Variants in DLGAP2 observed in about 807,000 individuals in gnomAD.
DLGAP2 encodes disks large-associated protein 2.
DLGAP2 carries 26 observed loss-of-function variants against 100.3 expected under a neutral mutation model. The observed-to-expected ratio is 0.26, with a 90% confidence interval of 0.19 to 0.36. The LOEUF is 0.36. Among genes scored for constraint, DLGAP2 ranks in the 10% least tolerant of loss-of-function variants. The probability of loss-of-function intolerance (pLI) is 1.00; values close to 1 mark genes in which losing one functional copy is unlikely to be tolerated. For synonymous variants in DLGAP2, 886 were observed against 630.1 expected (o/e 1.41, Z -6.08); for missense variants, 1,858 against 1,453.2 (o/e 1.28, Z -4.53).
chr8:1,408,012 C>G (rs910997777), intron 3 of DLGAP2, among the ~76,000 whole-genome samples: 10 of 152,226 alleles, frequency 6.6e-5, no homozygotes, highest in African/African-American at 2.4e-4. Context: ...CATCGCTGGA[C>G]TCAGCACTGG....
intron 2 of DLGAP2, among the ~76,000 whole-genome samples, chr8:1,201,810 G>A (rs73186503): frequency 0.055 from 8,433 of 152,298 alleles, 334 homozygotes; most frequent in East Asian, 0.15. Flanking sequence ...CTCTGTGTAC[G>A]TGTGTGCGGT....
In DLGAP2 at chr8:1,036,493, C is replaced by G. The variant is rs1563156973; in HGVS notation, c.73+128527C>G. ...TCAGTCTGGCGGCCGTGGGGACGGT[C>G]GGGGGAGGTTCTCTGCTTTGTGGAT... On this transcript the variant is annotated intron_variant, in intron 2 of 14. Coordinates refer to ENST00000637795, the MANE Select transcript of DLGAP2 (RefSeq NM_001346810.2). Among the ~76,000 whole-genome samples the G allele has an allele frequency of 2.0e-5, 3 of 152,260 alleles. 1 individual carries two copies. The highest frequency in any genetic ancestry group is 3.4e-3 in the Middle Eastern group (1 of 294).
chr8:1,467,533 C>A (rs1798660669), intron 3 of DLGAP2, among the ~76,000 whole-genome samples: 1 of 152,140 alleles, frequency 6.6e-6, no homozygotes, highest in Non-Finnish European at 1.5e-5. Flanking sequence ...CAGAGCCCAG[C>A]ACAAGCTGGC....
At chr8:897,555 G>A (rs953013650) in intron 1 of DLGAP2, among the ~76,000 whole-genome samples, 8 of 152,160 alleles carry the variant, frequency 5.3e-5, no homozygotes, top group African/African-American at 1.7e-4. Context: ...ATGGGCGCCC[G>A]GTAAGAAGCC....
chr8:905,141 T>C (rs1217949792), intron 1 of DLGAP2, among the ~76,000 whole-genome samples: 1 of 152,138 alleles, frequency 6.6e-6, no homozygotes, highest in Non-Finnish European at 1.5e-5. Flanking sequence ...GGAAGGTTGA[T>C]GATTTGTCTT....
chr8:1,002,404 C>G (rs1158703480), intron 2 of DLGAP2: 1 of 152,242 alleles, frequency 6.6e-6, no homozygotes, highest in East Asian at 1.9e-4. Flanking sequence ...GAACAATTGA[C>G]TATTTAAAAA....
intron 12 of DLGAP2, among the ~76,000 whole-genome samples, chr8:1,683,834 C>CTATATATATATATATATATA (rs35210879): frequency 4.5e-4 from 25 of 56,122 alleles, no homozygotes; most frequent in East Asian, 1.3e-3. Context: ...CTTTGCTCCA[C>CTATATATATATATATATATA]TATATATATA....
chr8:1,555,469 C>T (rs1053752782), intron 5 of DLGAP2, among the ~76,000 whole-genome samples: 2 of 152,216 alleles, frequency 1.3e-5, no homozygotes, highest in African/African-American at 4.8e-5. Flanking sequence ...CTCTGGGCCA[C>T]CGCTTCCCCC....
intron 6 of DLGAP2, among the ~76,000 whole-genome samples, chr8:1,572,383 G>C (rs1802759284): frequency 1.0e-5 from 1 of 98,258 alleles, no homozygotes; most frequent in Non-Finnish European, 2.1e-5. Flanking sequence ...TGGGTTGTCT[G>C]ATGAGATGGA....
chr8:1,515,641 C>T (rs1387231972), intron 4 of DLGAP2, among the ~76,000 whole-genome samples: 1 of 152,142 alleles, frequency 6.6e-6, no homozygotes. Flanking sequence ...CAAGCACACA[C>T]ACATGCAGAC....
intron 3 of DLGAP2, among the ~76,000 whole-genome samples, chr8:1,496,547 A>AAAC (rs1424317933): frequency 6.6e-6 from 1 of 152,096 alleles, no homozygotes; most frequent in Non-Finnish European, 1.5e-5. Flanking sequence ...TGTGACATTG[A>AAAC]GACGACTCAT....
At chr8:1,658,896 T>A (rs1798346472) in intron 8 of DLGAP2, among the ~76,000 whole-genome samples, 7 of 152,208 alleles carry the variant, frequency 4.6e-5, no homozygotes, top group Admixed American at 4.6e-4. Flanking sequence ...TTGATCTTGC[T>A]ACTCTAGTTC....
chr8:1,164,168 CCGTCATTT>C (rs1563224144), intron 2 of DLGAP2, among the ~76,000 whole-genome samples: 2 of 113,878 alleles, frequency 1.8e-5, no homozygotes, highest in African/African-American at 6.9e-5. Context: ...CCCCCAGGGC[CCGTCATTT>C]TGGTTTGTGG....
In DLGAP2 at chr8:1,706,675, A is replaced by G. The variant is rs1015687511; in HGVS notation, c.*5269A>G. On this transcript the variant is annotated 3_prime_UTR_variant, in exon 15 of 15. Coordinates refer to ENST00000637795, the MANE Select transcript of DLGAP2 (RefSeq NM_001346810.2). ...ACGTTTTCACCATTACTTAAGCTCA[A>G]TCGCCTCTTAGATGAAATGAGGAGA... 15 of 152,240 alleles carry G rather than the reference A, an allele frequency of 9.9e-5. No individual in the cohort carries two copies. Among genetic ancestry groups the G allele is most frequent in the African/African-American group, 2.4e-4 (10 of 41,472 alleles). 9.4% of individuals were successfully genotyped at this position (152,240 alleles called of 1,614,324 possible).
At chr8:961,812 A>T (rs893200225) in intron 2 of DLGAP2, among the ~76,000 whole-genome samples, 1 of 152,242 alleles carries the variant, frequency 6.6e-6, no homozygotes, top group African/African-American at 2.4e-5. Flanking sequence ...CTCTGGTAGA[A>T]ATAAGGGCAG....
intron 1 of DLGAP2, among the ~76,000 whole-genome samples, chr8:769,070 T>C (rs887038626): frequency 5.9e-5 from 9 of 152,060 alleles, no homozygotes; most frequent in African/African-American, 2.2e-4. Context: ...TGGTCAGGTG[T>C]GGTCCCGCAC....
chr8:1,637,344 C>T (rs1797790558), intron 8 of DLGAP2, among the ~76,000 whole-genome samples: 1 of 152,076 alleles, frequency 6.6e-6, no homozygotes, highest in Non-Finnish European at 1.5e-5. Flanking sequence ...CAGAAGATTC[C>T]TCCAAACACG....
intron 2 of DLGAP2, among the ~76,000 whole-genome samples, chr8:1,237,159 C>T (rs1396523552): frequency 2.2e-5 from 3 of 135,200 alleles, no homozygotes; most frequent in East Asian, 2.1e-4. Flanking sequence ...CACATGGCGC[C>T]GTGTCTAGTT....
chr8:1,096,906 C>G (rs534936889), intron 2 of DLGAP2, among the ~76,000 whole-genome samples: 6 of 144,646 alleles, frequency 4.1e-5, no homozygotes, highest in African/African-American at 1.6e-4. Context: ...AGACCCACCT[C>G]CCTGCGCTCA....
Sources: gnomAD v4.1 joint callset for allele counts (sites outside exome capture counted in the v4.1 genomes callset) on GRCh38, gnomAD v4.1.1 for gene constraint, MANE v1.5 for transcripts, NCBI Gene and HGNC (gene_info 2026-07-23, HGNC 2026-07-21) for gene names.